Variants in SLC9B1 observed in about 807,000 individuals in gnomAD.
The protein encoded by SLC9B1 is sodium/hydrogen exchanger 9B1.
Under a neutral mutation model 51.7 loss-of-function variants are expected in SLC9B1, and 32 were observed. The ratio of observed to expected loss-of-function variants is 0.62; its 90% CI spans 0.47 to 0.83. The LOEUF (loss-of-function observed/expected upper bound fraction) is 0.83, where lower values mean the gene tolerates loss of function less well. SLC9B1 is among the 40% of genes least tolerant of loss of function. The pLI is 0.00. For missense variants in SLC9B1, 406 were observed against 613.2 expected (o/e 0.66, Z 3.57); for synonymous variants, 145 against 212.7 (o/e 0.68, Z 2.77).
At chr4:102,886,448 G>A (rs557616809) in intron 11 of SLC9B1, among the ~76,000 whole-genome samples, 5 of 151,794 alleles carry the variant, frequency 3.3e-5, no homozygotes, top group African/African-American at 9.7e-5. Context: ...CCAAGATCAC[G>A]CCACTGCACT....
At chr4:102,885,054 T>C in exon 12 of SLC9B1, 1 of 637,364 alleles carries the variant, frequency 1.6e-6, no homozygotes, top group East Asian at 2.9e-5. Flanking sequence ...TGGTCTTTGG[T>C]AGAGCTGGCT....
At chr4:102,978,210 G>A (rs1291801630) in intron 3 of SLC9B1, among the ~76,000 whole-genome samples, 1 of 152,056 alleles carries the variant, frequency 6.6e-6, no homozygotes, top group Non-Finnish European at 1.5e-5. Context: ...GTCTATCATT[G>A]TTGGACATTT....
intron 4 of SLC9B1, among the ~76,000 whole-genome samples, chr4:102,947,332 A>C (rs1737316608): frequency 6.6e-6 from 1 of 152,228 alleles, no homozygotes. Flanking sequence ...CAGAAGGGAC[A>C]GCAGAGATAA....
chr4:102,914,249 G>C (rs1419638098), intron 7 of SLC9B1, among the ~76,000 whole-genome samples: 1 of 127,418 alleles, frequency 7.8e-6, no homozygotes, highest in Admixed American at 8.1e-5. Flanking sequence ...GCCAGTGCAG[G>C]GTCTGCAAAA....
intron 7 of SLC9B1, among the ~76,000 whole-genome samples, chr4:102,920,998 T>C (rs897876615): frequency 3.3e-5 from 5 of 152,178 alleles, no homozygotes; most frequent in Non-Finnish European, 7.3e-5. Flanking sequence ...CAGGATATTA[T>C]CCAGGAGAAC....
chr4:102,985,739 G>A (rs2110514099), intron 3 of SLC9B1, among the ~76,000 whole-genome samples: 2 of 152,022 alleles, frequency 1.3e-5, no homozygotes, highest in Admixed American at 1.3e-4. Context: ...TGGCCAGGTT[G>A]GTCTCAAACT....
rs530390449 is a variant in SLC9B1 at position 102,920,781 on chromosome 4, C to G, written c.830-9244G>C. On this transcript the variant is annotated intron_variant, in intron 7 of 11. Transcript: ENST00000296422. ...TGACACATGCACAAGCTTCAATAGCCGATTCAATCAAGTGGAAGAAAGGGT... is the reference window on the plus strand; with the variant it reads ...TGACACATGCACAAGCTTCAATAGCGGATTCAATCAAGTGGAAGAAAGGGT... Among the ~76,000 whole-genome samples, 5 of 142,462 alleles carry G rather than the reference C, an allele frequency of 3.5e-5. No individual in the cohort carries two copies. The Admixed American group carries it at 3.5e-4, about 10-fold the overall frequency. The allele number at this position is 142,462 out of a possible 152,430, so 93.5% of individuals were successfully genotyped here. A position where few individuals can be genotyped will look rare whatever the true frequency, so the allele number is the denominator to read the frequency against.
rs1739195134 is a variant in SLC9B1 at position 102,978,516 on chromosome 4, G to GAC, written c.211+11282_211+11283dup. Reference sequence around the variant, plus strand: ...AACCAGTGGGCGAAGGATATGAACAGACTTCTCAAAAGAAGACATTTATGC... The same window carrying GAC: ...AACCAGTGGGCGAAGGATATGAACAGACACTTCTCAAAAGAAGACATTTATGC... On this transcript the variant is annotated intron_variant, in intron 3 of 11. Transcript: ENST00000296422. Among the ~76,000 whole-genome samples, 3 of 152,160 alleles carry GAC rather than the reference G, an allele frequency of 2.0e-5. No individual in the cohort carries two copies. In the South Asian group the frequency reaches 6.2e-4, roughly 32 times the overall value.
chr4:102,934,148 G>A (rs1736599616), intron 6 of SLC9B1, among the ~76,000 whole-genome samples: 2 of 152,130 alleles, frequency 1.3e-5, no homozygotes, highest in Non-Finnish European at 2.9e-5. Flanking sequence ...ATCTTTGCAG[G>A]GATTTTTACT....
intron 3 of SLC9B1, among the ~76,000 whole-genome samples, chr4:102,977,104 G>T (rs1339569462): frequency 6.6e-6 from 1 of 151,758 alleles, no homozygotes; most frequent in Non-Finnish European, 1.5e-5. Flanking sequence ...GAGTTGTGAT[G>T]GTGCCACTGT....
chr4:103,019,492 G>A, intron 1 of SLC9B1, 107 bp downstream of exon 1: 1 of 723,466 alleles, frequency 1.4e-6, no homozygotes, highest in Non-Finnish European at 1.7e-6. Flanking sequence ...TTGAACTGAG[G>A]GGGAGGAAAG....
At chr4:102,931,169 T>A (rs1482152385) in intron 7 of SLC9B1, among the ~76,000 whole-genome samples, 2 of 149,890 alleles carry the variant, frequency 1.3e-5, no homozygotes, top group Non-Finnish European at 3.0e-5. Flanking sequence ...GAGCATGCAG[T>A]GAGCCGAGAT....
intron 9 of SLC9B1, among the ~76,000 whole-genome samples, chr4:102,907,012 C>A (rs1415536477): frequency 6.6e-6 from 1 of 152,118 alleles, no homozygotes; most frequent in African/African-American, 2.4e-5. Context: ...CATGAGCCAC[C>A]ATGCCTGGCC....
intron 3 of SLC9B1, among the ~76,000 whole-genome samples, chr4:102,980,598 G>A (rs780298299): frequency 8.5e-5 from 13 of 152,110 alleles, no homozygotes; most frequent in East Asian, 1.9e-4. Flanking sequence ...GTTGAGGGAC[G>A]GAGAGCATTA....
At chr4:102,893,708 A>C (rs2110413157) in intron 11 of SLC9B1, among the ~76,000 whole-genome samples, 1 of 152,110 alleles carries the variant, frequency 6.6e-6, no homozygotes, top group South Asian at 2.1e-4. Context: ...TGGATCACTT[A>C]AGGTCAGGAG....
intron 7 of SLC9B1, among the ~76,000 whole-genome samples, chr4:102,926,160 G>C (rs1291277871): frequency 5.3e-5 from 8 of 152,284 alleles, no homozygotes; most frequent in Non-Finnish European, 8.8e-5. Context: ...GGCAAAAACT[G>C]GAAGCATTCC....
chr4:103,010,171 T>C (rs888420544), intron 1 of SLC9B1, among the ~76,000 whole-genome samples: 3 of 152,280 alleles, frequency 2.0e-5, no homozygotes, highest in East Asian at 3.9e-4. Flanking sequence ...ATACCACAGA[T>C]TGGATAATTT....
chr4:102,888,028 T>A (rs1734023993), intron 11 of SLC9B1: 1 of 151,804 alleles, frequency 6.6e-6, no homozygotes. Flanking sequence ...TATAAAAGAT[T>A]TGTTTACTTT....
rs1741647849 is a variant in SLC9B1, at chr4:103,019,637, GC to G, written c.-41del. On this transcript the variant is annotated 5_prime_UTR_variant, in exon 1 of 12. Coordinates refer to ENST00000296422, the MANE Select transcript of SLC9B1 (RefSeq NM_139173.4). ...CGCAGCCCTCGCTGGCCCGGGAGCG[GC>G]CCAGGAGCCCAGTGACCGTTGCGTA... 2 of 985,328 alleles carry G rather than the reference GC, an allele frequency of 2.0e-6. No individual in the cohort carries two copies. Among genetic ancestry groups the G allele is most frequent in the Non-Finnish European group, 2.4e-6 (2 of 829,978 alleles). 61.0% of individuals were successfully genotyped at this position (985,328 alleles called of 1,614,324 possible). A position where few individuals can be genotyped will look rare whatever the true frequency, so the allele number is the denominator to read the frequency against.
Sources: gnomAD v4.1 joint callset for allele counts (sites outside exome capture counted in the v4.1 genomes callset) on GRCh38, gnomAD v4.1.1 for gene constraint, MANE v1.5 for transcripts, NCBI Gene and HGNC (gene_info 2026-07-23, HGNC 2026-07-21) for gene names.